Variants in NCAM1 observed in about 807,000 individuals in gnomAD.
NCAM1 encodes the protein antigen recognized by monoclonal antibody 5.1H11.
NCAM1 carries 14 observed loss-of-function variants against 109.8 expected under a neutral mutation model. The observed-to-expected ratio is 0.13, with a 90% confidence interval of 0.08 to 0.20. The LOEUF is 0.20. Ranked by LOEUF, NCAM1 falls within the 10% of genes least tolerant of loss-of-function variation. NCAM1 has a pLI of 1.00. For synonymous variants in NCAM1, 418 were observed against 442.9 expected, an observed-to-expected ratio of 0.94 and a Z score of 0.70; for missense variants, 774 against 1,109.9, an observed-to-expected ratio of 0.70 and a Z score of 4.30.
At chr11:113,225,144 G>A (rs1944804798) in intron 9 of NCAM1, among the ~76,000 whole-genome samples, 1 of 152,186 alleles carries the variant, frequency 6.6e-6, no homozygotes, top group South Asian at 2.1e-4. Context: ...CGAGCTAAAG[G>A]AGGAAGTTCG....
intron 9 of NCAM1, among the ~76,000 whole-genome samples, chr11:113,227,130 A>G (rs1383899223): frequency 2.6e-5 from 4 of 152,176 alleles, no homozygotes; most frequent in African/African-American, 7.2e-5. Flanking sequence ...CAAAAAATCA[A>G]TGAATCCAGG....
intron 1 of NCAM1, among the ~76,000 whole-genome samples, chr11:113,068,343 C>A (rs1164282936): frequency 6.6e-6 from 1 of 152,152 alleles, no homozygotes; most frequent in Non-Finnish European, 1.5e-5. Flanking sequence ...GATTAAGCAT[C>A]GGTTTCCTCG....
At chr11:113,200,246 C>T (rs1359759884) in intron 1 of NCAM1, among the ~76,000 whole-genome samples, 2 of 152,172 alleles carry the variant, frequency 1.3e-5, no homozygotes, top group African/African-American at 4.8e-5. Flanking sequence ...GTGGCATAGA[C>T]ACAGCTTCTG....
At chr11:113,045,882 A>G (rs1425474344) in intron 1 of NCAM1, among the ~76,000 whole-genome samples, 1 of 151,894 alleles carries the variant, frequency 6.6e-6, no homozygotes, top group African/African-American at 2.4e-5. Flanking sequence ...TAACTGTGTT[A>G]CATTATCTGC....
intron 1 of NCAM1, among the ~76,000 whole-genome samples, chr11:113,098,020 G>A (rs1003903439): frequency 1.3e-5 from 2 of 152,154 alleles, no homozygotes; most frequent in Non-Finnish European, 2.9e-5. Context: ...CAAAATGTAT[G>A]AGAGAAAAAT....
chr11:113,016,250 T>C (rs1952202318), intron 1 of NCAM1, among the ~76,000 whole-genome samples: 1 of 152,084 alleles, frequency 6.6e-6, no homozygotes, highest in Admixed American at 6.6e-5. Context: ...ATGGCAGCCT[T>C]TTAGGACACT....
chr11:113,243,817 C>T (rs187450639), intron 14 of NCAM1: 134 of 230,876 alleles, frequency 5.8e-4, no homozygotes, highest in African/African-American at 2.8e-3. Context: ...TCCAGCTCCC[C>T]GGGCCAAGCT....
intron 19 of NCAM1, chr11:113,272,787 C>G (rs1476350545): frequency 5.1e-6 from 2 of 389,022 alleles, no homozygotes; most frequent in African/African-American, 4.2e-5. Flanking sequence ...GCATCCTTCT[C>G]TCTCTGTGGG....
intron 1 of NCAM1, among the ~76,000 whole-genome samples, chr11:113,153,475 A>AGAGT (rs1555102886): frequency 0.013 from 1,911 of 148,714 alleles, 26 homozygotes; most frequent in African/African-American, 0.038. Context: ...AGAGAGAGAG[A>AGAGT]GTGTGTGTGT....
chr11:113,265,328 T>C (rs560730716), intron 17 of NCAM1: 1 of 290,276 alleles, frequency 3.4e-6, no homozygotes, highest in East Asian at 1.7e-4. Context: ...TGAAATACTT[T>C]TTCTTCCTAA....
rs781791930 is a variant in NCAM1, at chr11:112,961,452, C to T, written c.-161C>T. The T allele has an allele frequency of 2.6e-6, 2 of 770,910 alleles. No individual in the cohort carries two copies. The highest frequency in any genetic ancestry group is 1.4e-5 in the South Asian group (1 of 72,426). 47.8% of individuals were successfully genotyped at this position (770,910 alleles called of 1,614,324 possible). On this transcript the variant is annotated 5_prime_UTR_variant, in exon 1 of 20. Transcript: ENST00000316851. ...CTCCGATCAGCGCGTGAACGCAGCTCGGCTGCCGCTGGCAGGAAACAATTC... is the reference window on the plus strand; with the variant it reads ...CTCCGATCAGCGCGTGAACGCAGCTTGGCTGCCGCTGGCAGGAAACAATTC...
intron 7 of NCAM1, among the ~76,000 whole-genome samples, chr11:113,211,637 A>G (rs557635561): frequency 6.9e-4 from 105 of 152,308 alleles, no homozygotes; most frequent in Admixed American, 2.0e-3. Flanking sequence ...GTGGCTGAGG[A>G]AAGTTCTCCA....
intron 9 of NCAM1, among the ~76,000 whole-genome samples, chr11:113,222,833 T>C (rs1555115549): frequency 1.3e-5 from 2 of 152,186 alleles, no homozygotes. Context: ...TTTTCAGAAG[T>C]GTCCTTATCA....
intron 14 of NCAM1, among the ~76,000 whole-genome samples, chr11:113,242,474 G>A (rs1945359381): frequency 6.6e-6 from 1 of 152,114 alleles, no homozygotes; most frequent in Non-Finnish European, 1.5e-5. Flanking sequence ...GCCAGGCGTG[G>A]TGGCATGTGC....
chr11:113,266,991 C>T (rs1946144138), intron 17 of NCAM1, among the ~76,000 whole-genome samples: 1 of 152,156 alleles, frequency 6.6e-6, no homozygotes, highest in African/African-American at 2.4e-5. Flanking sequence ...GTCTTCTGGC[C>T]TCTGCTCGAG....
chr11:112,964,221 G>T (rs1379928966), intron 1 of NCAM1, among the ~76,000 whole-genome samples: 1 of 139,960 alleles, frequency 7.1e-6, no homozygotes, highest in Non-Finnish European at 1.5e-5. Flanking sequence ...TGCTCGGCTG[G>T]GTGCATATGA....
In NCAM1 at chr11:113,275,595, G is replaced by A; in HGVS notation, c.*208G>A. On this transcript the variant is annotated 3_prime_UTR_variant, in exon 20 of 20. Transcript: ENST00000316851. ...CTCCTTTTTGTAGGTTTATAGAAAG[G>A]GTCCCTTTGTTGCACACTCACTTGT... 1 of 601,994 alleles carries A rather than the reference G, an allele frequency of 1.7e-6. No homozygotes were observed. The highest frequency in any genetic ancestry group is 2.6e-6 in the Non-Finnish European group (1 of 384,734). 37.3% of individuals were successfully genotyped at this position (601,994 alleles called of 1,614,324 possible).
At chr11:113,242,475 T>A (rs1254979829) in intron 14 of NCAM1, among the ~76,000 whole-genome samples, 1 of 152,078 alleles carries the variant, frequency 6.6e-6, no homozygotes, top group African/African-American at 2.4e-5. Flanking sequence ...CCAGGCGTGG[T>A]GGCATGTGCC....
intron 15 of NCAM1, among the ~76,000 whole-genome samples, chr11:113,251,642 C>T (rs1945683066): frequency 6.6e-6 from 1 of 152,192 alleles, no homozygotes; most frequent in Admixed American, 6.5e-5. Context: ...ACATTTGACT[C>T]ATGGCTAAAG....
Sources: allele counts gnomAD v4.1 joint callset (sites outside exome capture counted in the v4.1 genomes callset), GRCh38; gene constraint gnomAD v4.1.1; transcripts MANE v1.5; gene names NCBI Gene and HGNC (gene_info 2026-07-23, HGNC 2026-07-21).